Variants in NSD3 observed in about 807,000 individuals in gnomAD.
NSD3 encodes nuclear receptor binding SET domain protein 3, also known as histone-lysine N-methyltransferase NSD3.
A neutral mutation model predicts 160.8 loss-of-function variants in NSD3; 24 were observed. That is an observed-to-expected ratio of 0.15 (90% CI 0.11 to 0.21). The LOEUF (loss-of-function observed/expected upper bound fraction) is 0.21. Among genes scored for constraint, NSD3 ranks in the 10% least tolerant of loss-of-function variants. The pLI is 1.00. For missense variants in NSD3, 1,157 were observed against 1,735.9 expected (o/e 0.67, Z 5.93); for synonymous variants, 520 against 600.0 (o/e 0.87, Z 1.95).
chr8:38,343,964 C>CG, intron 2 of NSD3, among the ~76,000 whole-genome samples: 1 of 152,238 alleles, frequency 6.6e-6, no homozygotes, highest in South Asian at 2.1e-4. Flanking sequence ...ATAGGGCCTA[C>CG]GCTCACATGC....
intron 4 of NSD3, among the ~76,000 whole-genome samples, chr8:38,332,809 A>C (rs971006729): frequency 1.3e-5 from 2 of 152,138 alleles, no homozygotes; most frequent in Non-Finnish European, 2.9e-5. Flanking sequence ...ATTTGAAAAA[A>C]GTAAAAAAAA....
In NSD3 at chr8:38,305,579, A is replaced by G. The variant is rs557037546; in HGVS notation, c.2243-134T>C. ...TACTTAAGAATTTAATGCACAAAAA[A>G]AATTTAAAATAAATGCTAAATTAAA... On this transcript the variant is annotated intron_variant, in intron 12 of 23. Transcript: ENST00000317025. 2.2e-5 allele frequency: 16 copies of G among 729,364 alleles called. 1 individual carries two copies. In the South Asian group the frequency reaches 3.8e-4, roughly 17 times the overall value. 45.2% of individuals were successfully genotyped at this position (729,364 alleles called of 1,614,324 possible).
chr8:38,279,760 G>C, intron 20 of NSD3, 79 bp from the exon 21 acceptor site: 2 of 1,486,170 alleles, frequency 1.3e-6, no homozygotes, highest in Non-Finnish European at 1.8e-6. Flanking sequence ...AGGATCACAG[G>C]CAGCAGCATT....
chr8:38,354,185 T>C (rs1175123332), intron 1 of NSD3, among the ~76,000 whole-genome samples: 3 of 152,196 alleles, frequency 2.0e-5, no homozygotes, highest in African/African-American at 4.8e-5. Flanking sequence ...GAAGTATTCT[T>C]CCCAGTGCTT....
At chr8:38,359,556 T>TA (rs1462962705) in intron 1 of NSD3, among the ~76,000 whole-genome samples, 6 of 152,202 alleles carry the variant, frequency 3.9e-5, no homozygotes, top group Non-Finnish European at 8.8e-5. Flanking sequence ...TTCTAAGAAC[T>TA]TGACCACGCC....
In NSD3 at chr8:38,358,922, AT is replaced by A. The variant is rs5891011; in HGVS notation, c.-44-10708del. Among the ~76,000 whole-genome samples, 430 of 150,598 alleles carry A rather than the reference AT, an allele frequency of 2.9e-3. 3 individuals are homozygous for A. Among genetic ancestry groups the A allele is most frequent in the Non-Finnish European group, 2.9e-3 (197 of 67,466 alleles). ...GTAAATGGGGGGAAAGGAACAGTTA[AT>A]TTTTTTTTTAATATGCTCCATTATT... On this transcript the variant is annotated intron_variant, in intron 1 of 23. Transcript: ENST00000317025.
chr8:38,281,852 G>C (rs998938739), intron 19 of NSD3, among the ~76,000 whole-genome samples: 1 of 152,156 alleles, frequency 6.6e-6, no homozygotes, highest in African/African-American at 2.4e-5. Flanking sequence ...GCTGGGATCT[G>C]GGGATAAAGC....
chr8:38,290,338 CTGGAAGCTTA>C, intron 17 of NSD3, 127 bp downstream of exon 17: 2 of 868,704 alleles, frequency 2.3e-6, no homozygotes, highest in South Asian at 3.0e-5. Context: ...TCTAATGTGA[CTGGAAGCTTA>C]TGGACACAGG....
intron 1 of NSD3, among the ~76,000 whole-genome samples, chr8:38,373,565 A>C (rs143650177): frequency 6.6e-6 from 1 of 152,324 alleles, no homozygotes; most frequent in African/African-American, 2.4e-5. Flanking sequence ...ATTAGATAAC[A>C]TAAGATTCAA....
chr8:38,360,849 G>C (rs1810942818), intron 1 of NSD3, among the ~76,000 whole-genome samples: 1 of 151,974 alleles, frequency 6.6e-6, no homozygotes, highest in Non-Finnish European at 1.5e-5. Flanking sequence ...TGCCATTTTT[G>C]TATAATTACT....
chr8:38,271,789 A>C lies in NSD3; in HGVS notation c.*3852T>G, dbSNP rs1485132325. 1 of 152,242 alleles carries C rather than the reference A, an allele frequency of 6.6e-6. No homozygotes were observed. Among genetic ancestry groups the C allele is most frequent in the Non-Finnish European group, 1.5e-5 (1 of 68,042 alleles). The allele number at this position is 152,242 out of a possible 1,614,324, so 9.4% of individuals were successfully genotyped here. On this transcript the variant is annotated 3_prime_UTR_variant, in exon 24 of 24. Coordinates refer to ENST00000317025, the MANE Select transcript of NSD3 (RefSeq NM_023034.2). ...TTCTCATATGGAAGTATAGAATGTCAGCTTCCCAGCTGTGAGGGCTCCATA... is the reference window on the plus strand; with the variant it reads ...TTCTCATATGGAAGTATAGAATGTCCGCTTCCCAGCTGTGAGGGCTCCATA...
chr8:38,295,704 AC>A (rs1809119018), intron 16 of NSD3, 91 bp downstream of exon 16: 30 of 1,227,982 alleles, frequency 2.4e-5, no homozygotes, highest in Non-Finnish European at 3.3e-5. Flanking sequence ...CATGCTGTCT[AC>A]CTATCTATCT....
rs564094552 is a variant in NSD3 at position 38,307,072 on chromosome 8, G to A, written c.2243-1627C>T. 2.8e-3 allele frequency among the ~76,000 whole-genome samples: 404 copies of A among 145,676 alleles called. 7 individuals are homozygous for A. The highest frequency in any genetic ancestry group is 1.1e-3 in the Non-Finnish European group (74 of 67,134). On this transcript the variant is annotated intron_variant, in intron 12 of 23. Coordinates refer to ENST00000317025, the MANE Select transcript of NSD3 (RefSeq NM_023034.2). ...GGAACCTGCAGTGAGCCGAAATCGCGCCACCGCACTCCAGCCTGGGTGACA... is the reference window on the plus strand; with the variant it reads ...GGAACCTGCAGTGAGCCGAAATCGCACCACCGCACTCCAGCCTGGGTGACA...
At chr8:38,320,558 G>T (rs1809772478) in intron 8 of NSD3, 1 of 151,758 alleles carries the variant, frequency 6.6e-6, no homozygotes, top group Non-Finnish European at 1.5e-5. Flanking sequence ...CCTGATATCA[G>T]GTGAATATTC....
intron 2 of NSD3, among the ~76,000 whole-genome samples, chr8:38,339,523 G>A (rs945278691): frequency 1.2e-4 from 18 of 151,994 alleles, no homozygotes; most frequent in African/African-American, 4.3e-4. Context: ...TCAAGAAATT[G>A]AGACCATCCT....
In NSD3 at chr8:38,290,520, T is replaced by C; in HGVS notation, c.3073A>G (p.Ser1025Gly). 1 of 1,614,142 alleles carries C rather than the reference T, an allele frequency of 6.2e-7. No individual in the cohort carries two copies. The highest frequency in any genetic ancestry group is 8.5e-7 in the Non-Finnish European group (1 of 1,180,016). Residue 1025 changes from serine (S) to glycine (G), a missense_variant, in exon 17 of 24, where the codon AGC (serine) becomes GGC (glycine). Coordinates refer to ENST00000317025, the MANE Select transcript of NSD3 (RefSeq NM_023034.2). Reference protein sequence around the residue: ...RVFPYVEGDKSFAEGQTSINK... With the variant: ...RVFPYVEGDKGFAEGQTSINK... ...ATACTAGTCTGCCCTTCAGCAAAGC[T>C]TTTGTCTCCTTCAACATAAGGGAAC...
At chr8:38,344,294 CAG>C (rs1345127018) in intron 2 of NSD3, among the ~76,000 whole-genome samples, 1 of 152,136 alleles carries the variant, frequency 6.6e-6, no homozygotes, top group East Asian at 1.9e-4. Flanking sequence ...GTTTTTCAGA[CAG>C]AGTCTCATTC....
At chr8:38,352,149 T>G (rs968498055) in intron 1 of NSD3, among the ~76,000 whole-genome samples, 1 of 152,084 alleles carries the variant, frequency 6.6e-6, no homozygotes, top group Non-Finnish European at 1.5e-5. Context: ...TTGGTTCCAG[T>G]AGGATCTGCT....
chr8:38,349,049 C>T (rs542666913), intron 1 of NSD3, among the ~76,000 whole-genome samples: 1 of 152,282 alleles, frequency 6.6e-6, no homozygotes, highest in African/African-American at 2.4e-5. Flanking sequence ...CCACTATAAA[C>T]ACTTTGATGG....
Sources: allele counts gnomAD v4.1 joint callset (sites outside exome capture counted in the v4.1 genomes callset), GRCh38; gene constraint gnomAD v4.1.1; transcripts MANE v1.5; gene names NCBI Gene and HGNC (gene_info 2026-07-23, HGNC 2026-07-21).